Variants in CHRM3 observed in about 807,000 individuals in gnomAD.
CHRM3 encodes muscarinic acetylcholine receptor M3.
In CHRM3, 11 loss-of-function variants were observed where a neutral mutation model predicts 41.8. The observed-to-expected ratio is 0.26, with a 90% CI of 0.17 to 0.44. The LOEUF (loss-of-function observed/expected upper bound fraction) is 0.44. Among genes scored for constraint, CHRM3 ranks in the 20% least tolerant of loss-of-function variants. The pLI is 1.00. For synonymous variants in CHRM3, 297 were observed against 301.4 expected, an observed-to-expected ratio of 0.99 and a Z score of 0.15; for missense variants, 571 against 745.4, an observed-to-expected ratio of 0.77 and a Z score of 2.72.
intron 3 of CHRM3, among the ~76,000 whole-genome samples, chr1:239,554,901 T>C (rs1660216736): frequency 6.6e-6 from 1 of 152,042 alleles, no homozygotes. Context: ...AGCTAATTTT[T>C]GTATTTTTAT....
intron 3 of CHRM3, among the ~76,000 whole-genome samples, chr1:239,620,772 C>A (rs1199043738): frequency 1.3e-5 from 2 of 151,938 alleles, no homozygotes; most frequent in African/African-American, 2.4e-5. Context: ...AAGAATAGGG[C>A]ACATCCATGC....
chr1:239,701,746 T>C (rs1660707898), intron 5 of CHRM3, among the ~76,000 whole-genome samples: 1 of 152,126 alleles, frequency 6.6e-6, no homozygotes, highest in African/African-American at 2.4e-5. Context: ...ATCTCATTCC[T>C]TCCTAACCCA....
At chr1:239,437,769 G>A (rs1005933142) in intron 1 of CHRM3, among the ~76,000 whole-genome samples, 1 of 152,124 alleles carries the variant, frequency 6.6e-6, no homozygotes, top group Non-Finnish European at 1.5e-5. Flanking sequence ...AGGCCAAAAG[G>A]TTCACCAGAA....
chr1:239,441,521 A>G (rs1179999218), intron 1 of CHRM3, among the ~76,000 whole-genome samples: 3 of 152,208 alleles, frequency 2.0e-5, no homozygotes, highest in Non-Finnish European at 4.4e-5. Flanking sequence ...GTAGGAATTA[A>G]CAGATCTATA....
chr1:239,583,722 A>C (rs1663122608), intron 3 of CHRM3, among the ~76,000 whole-genome samples: 1 of 152,220 alleles, frequency 6.6e-6, no homozygotes, highest in Admixed American at 6.5e-5. Context: ...TGACAGCAGA[A>C]AGTCATCAGC....
At chr1:239,430,562 A>T (rs1002806455) in intron 1 of CHRM3, among the ~76,000 whole-genome samples, 1 of 152,080 alleles carries the variant, frequency 6.6e-6, no homozygotes, top group Non-Finnish European at 1.5e-5. Context: ...ACTGATAGAG[A>T]TAACTGGCTA....
chr1:239,817,879 CT>C (rs1342871399), intron 5 of CHRM3, among the ~76,000 whole-genome samples: 1 of 152,198 alleles, frequency 6.6e-6, no homozygotes, highest in Non-Finnish European at 1.5e-5. Context: ...AGCCACGCGA[CT>C]TTAGAGAAAT....
At chr1:239,503,736 G>A (rs954110255) in intron 2 of CHRM3, among the ~76,000 whole-genome samples, 5 of 152,120 alleles carry the variant, frequency 3.3e-5, no homozygotes, top group Non-Finnish European at 5.9e-5. Flanking sequence ...CAAAGGAACA[G>A]AATAGAGAAC....
chr1:239,456,733 G>T (rs965202501), intron 1 of CHRM3, among the ~76,000 whole-genome samples: 17 of 152,170 alleles, frequency 1.1e-4, no homozygotes, highest in African/African-American at 2.9e-4. Flanking sequence ...TGGAACTGGG[G>T]CTGTGGAAGA....
intron 1 of CHRM3, among the ~76,000 whole-genome samples, chr1:239,452,255 A>C (rs1361432815): frequency 6.6e-6 from 1 of 152,176 alleles, no homozygotes; most frequent in Non-Finnish European, 1.5e-5. Flanking sequence ...CCCATGTAGA[A>C]GTTAATTCTA....
chr1:239,883,688 T>C (rs116515554), intron 6 of CHRM3, among the ~76,000 whole-genome samples: 250 of 152,310 alleles, frequency 1.6e-3, no homozygotes, highest in African/African-American at 5.3e-3. Context: ...CTAAGTCTAG[T>C]TCTTGGTTTG....
chr1:239,510,003 C>T (rs987765821), intron 2 of CHRM3, among the ~76,000 whole-genome samples: 1 of 152,120 alleles, frequency 6.6e-6, no homozygotes, highest in Non-Finnish European at 1.5e-5. Context: ...GCAGGAGAAT[C>T]GCTTGAACCT....
intron 3 of CHRM3, among the ~76,000 whole-genome samples, chr1:239,618,678 A>G (rs1667964695): frequency 6.6e-6 from 1 of 150,990 alleles, no homozygotes; most frequent in South Asian, 2.1e-4. Context: ...CCCCGTCTCT[A>G]CTAAAAATAC....
intron 3 of CHRM3, among the ~76,000 whole-genome samples, chr1:239,601,360 C>G (rs1665515580): frequency 6.6e-6 from 1 of 152,078 alleles, no homozygotes; most frequent in Non-Finnish European, 1.5e-5. Context: ...CTAACTCATC[C>G]ACTGTGATGG....
chr1:239,892,278 CA>C (rs1377755845), intron 6 of CHRM3, among the ~76,000 whole-genome samples: 1 of 152,124 alleles, frequency 6.6e-6, no homozygotes, highest in Admixed American at 6.5e-5. Context: ...TAGGCTGTGC[CA>C]AAGTAGACAT....
chr1:239,750,296 G>A (rs867489205), intron 5 of CHRM3, among the ~76,000 whole-genome samples: 5 of 152,138 alleles, frequency 3.3e-5, no homozygotes, highest in Non-Finnish European at 7.4e-5. Flanking sequence ...GTACATGAAA[G>A]GCTAAAATAA....
chr1:239,859,207 C>A (rs967935855), intron 6 of CHRM3, among the ~76,000 whole-genome samples: 5 of 152,282 alleles, frequency 3.3e-5, no homozygotes, highest in Non-Finnish European at 7.4e-5. Context: ...TACATTCTCC[C>A]AGCGGTGTAT....
chr1:239,842,172 T>C (rs1391200940), intron 6 of CHRM3, among the ~76,000 whole-genome samples: 1 of 151,754 alleles, frequency 6.6e-6, no homozygotes, highest in Non-Finnish European at 1.5e-5. Context: ...CATGGAATTA[T>C]AAAATTTCAC....
chr1:239,769,616 T>C (rs1488518831), intron 5 of CHRM3, among the ~76,000 whole-genome samples: 3 of 152,190 alleles, frequency 2.0e-5, no homozygotes, highest in Non-Finnish European at 2.9e-5. Context: ...ATTATTTGTG[T>C]GGCGCCTGTA....
Sources: allele counts gnomAD v4.1 joint callset (sites outside exome capture counted in the v4.1 genomes callset), GRCh38; gene constraint gnomAD v4.1.1; transcripts MANE v1.5; gene names NCBI Gene and HGNC (gene_info 2026-07-23, HGNC 2026-07-21).